NASP: variants seen among roughly 807,000 people sequenced by gnomAD.
NASP encodes nuclear autoantigenic sperm protein.
NASP carries 24 observed loss-of-function variants against 89.5 expected under a neutral mutation model. That is an observed-to-expected ratio of 0.27 (90% CI 0.19 to 0.38). The LOEUF (loss-of-function observed/expected upper bound fraction) is 0.38, where lower values mean the gene tolerates loss of function less well. NASP is among the 10% of genes least tolerant of loss of function. NASP has a pLI of 1.00. For synonymous variants in NASP, 306 were observed against 324.7 expected (o/e 0.94, Z 0.62); for missense variants, 848 against 921.4 (o/e 0.92, Z 1.03).
chr1:45,591,004 G>C (rs1259749384), intron 1 of NASP, among the ~76,000 whole-genome samples: 1 of 152,142 alleles, frequency 6.6e-6, no homozygotes, highest in Admixed American at 6.6e-5. Flanking sequence ...CATCCCTGTG[G>C]TTATAGCTGT....
chr1:45,585,542 G>C (rs1316214984), intron 1 of NASP, among the ~76,000 whole-genome samples: 1 of 152,112 alleles, frequency 6.6e-6, no homozygotes, highest in Non-Finnish European at 1.5e-5. Context: ...TTTCCCCATT[G>C]ATTCGATATA....
intron 1 of NASP, among the ~76,000 whole-genome samples, chr1:45,586,274 GTGTGTGTGT>G (rs1644539618): frequency 1.7e-5 from 1 of 60,000 alleles, no homozygotes; most frequent in Admixed American, 1.5e-4. Context: ...GTGTGTGTGT[GTGTGTGTGT>G]GGTGTGTGTG....
intron 6 of NASP, among the ~76,000 whole-genome samples, chr1:45,608,954 C>A (rs1313221548): frequency 5.4e-5 from 8 of 148,554 alleles, no homozygotes; most frequent in African/African-American, 7.8e-5. Context: ...TTAAAACAGG[C>A]CCCCCCCACC....
chr1:45,616,772 A>T, intron 13 of NASP, 69 bp downstream of exon 13: 1 of 1,401,068 alleles, frequency 7.1e-7, no homozygotes, highest in Non-Finnish European at 1.0e-6. Flanking sequence ...TTTCCTATAA[A>T]CCCCTCCCTA....
chr1:45,591,525 T>C (rs1372720794), intron 2 of NASP, among the ~76,000 whole-genome samples: 3 of 152,008 alleles, frequency 2.0e-5, no homozygotes, highest in Admixed American at 1.3e-4. Flanking sequence ...CGCTCATTTT[T>C]AAATTTTTTG....
intron 14 of NASP, 60 bp from the exon 15 acceptor site, chr1:45,617,998 GTTA>G (rs1411377869): frequency 1.4e-6 from 2 of 1,457,304 alleles, no homozygotes; most frequent in Admixed American, 4.0e-5. Context: ...TGAGGCCTCA[GTTA>G]TATAAGACAG....
chr1:45,608,258 G>A lies in NASP; in HGVS notation c.1347G>A (p.Glu449=), dbSNP rs1643944377. The change falls in exon 6 of 15, where the codon GAG becomes GAA. Residue 449 remains glutamate, a synonymous_variant. Transcript: ENST00000350030. ...VDTKVAQGAT[E]KSPEDKVQIA... is the part of the protein sequence containing the mutation. ...CCAAGGTAGCCCAGGGAGCTACTGA[G>A]AAATCACCTGAAGACAAAGTTCAGA... 2 of 1,613,854 alleles carry A rather than the reference G, an allele frequency of 1.2e-6. No individual in the cohort carries two copies. Among genetic ancestry groups the A allele is most frequent in the African/African-American group, 2.7e-5 (2 of 74,914 alleles).
chr1:45,604,814 G>A, intron 3 of NASP, 122 bp from the exon 4 acceptor site: 1 of 714,640 alleles, frequency 1.4e-6, no homozygotes, highest in Non-Finnish European at 2.4e-6. Context: ...TTGAAAGCAA[G>A]AGGGGTATTG....
intron 6 of NASP, among the ~76,000 whole-genome samples, chr1:45,609,105 C>T (rs1643958802): frequency 6.6e-6 from 1 of 152,062 alleles, no homozygotes; most frequent in Non-Finnish European, 1.5e-5. Flanking sequence ...TGCTATTGGT[C>T]TAAGTGTGAT....
chr1:45,609,382 C>T (rs1643964083), intron 6 of NASP: 1 of 152,166 alleles, frequency 6.6e-6, no homozygotes, highest in African/African-American at 2.4e-5. Context: ...CCCTGTACTC[C>T]AGCCAACACA....
chr1:45,605,525 C>G (rs929464931), intron 4 of NASP: 1 of 152,138 alleles, frequency 6.6e-6, no homozygotes, highest in African/African-American at 2.4e-5. Flanking sequence ...TGCAGTGGCG[C>G]GATCTCGGCT....
At chr1:45,603,924 T>C (rs1450861870) in intron 3 of NASP, among the ~76,000 whole-genome samples, 3 of 152,212 alleles carry the variant, frequency 2.0e-5, no homozygotes, top group Non-Finnish European at 4.4e-5. Flanking sequence ...TAGGTATTTT[T>C]ATTTAAAAAT....
chr1:45,587,581 C>CT, intron 1 of NASP, among the ~76,000 whole-genome samples: 2 of 147,332 alleles, frequency 1.4e-5, no homozygotes, highest in African/African-American at 5.0e-5. Flanking sequence ...AGACTAGTAC[C>CT]TACATATCTT....
chr1:45,605,061 G>A (rs763934326), intron 4 of NASP, 45 bp downstream of exon 4: 1 of 1,425,692 alleles, frequency 7.0e-7, no homozygotes, highest in Non-Finnish European at 9.9e-7. Context: ...TGTTAAGATT[G>A]TTTACTAGCT....
chr1:45,589,114 C>T (rs1643446998), intron 1 of NASP, among the ~76,000 whole-genome samples: 1 of 152,078 alleles, frequency 6.6e-6, no homozygotes, highest in South Asian at 2.1e-4. Flanking sequence ...TGTCAATATC[C>T]TATGGTTTCT....
intron 3 of NASP, among the ~76,000 whole-genome samples, chr1:45,603,206 TGA>T (rs1643873104): frequency 6.6e-6 from 1 of 152,154 alleles, no homozygotes; most frequent in Admixed American, 6.5e-5. Flanking sequence ...CTCCATTATC[TGA>T]GAGAAAAAAA....
intron 1 of NASP, chr1:45,588,957 G>GTGTTTGTTTGTT (rs56181355): frequency 0.011 from 1,765 of 161,200 alleles, 26 homozygotes; most frequent in Non-Finnish European, 0.017. Flanking sequence ...AGGTGGTCAA[G>GTGTTTGTTTGTT]TGTTTGTTTG....
At chr1:45,586,180 C>T (rs1393493444) in intron 1 of NASP, among the ~76,000 whole-genome samples, 1 of 151,628 alleles carries the variant, frequency 6.6e-6, no homozygotes, top group Non-Finnish European at 1.5e-5. Context: ...GGCAGGGTCT[C>T]TGTCACCCAG....
At chr1:45,594,664 G>T (rs1388149493) in intron 2 of NASP, 1 of 450,448 alleles carries the variant, frequency 2.2e-6, no homozygotes, top group Non-Finnish European at 4.5e-6. Context: ...GTGCCACTAT[G>T]CCTGGCTAAT....
Sources: gnomAD v4.1 joint callset for allele counts (sites outside exome capture counted in the v4.1 genomes callset) on GRCh38, gnomAD v4.1.1 for gene constraint, MANE v1.5 for transcripts, NCBI Gene and HGNC (gene_info 2026-07-23, HGNC 2026-07-21) for gene names.